The following SGMS2 variants were observed in gnomAD, a reference collection of about 807,000 sequenced individuals.
SGMS2 encodes phosphatidylcholine:ceramide cholinephosphotransferase 2.
SGMS2 carries 21 observed loss-of-function variants against 43.8 expected under a neutral mutation model. The ratio of observed to expected loss-of-function variants is 0.48; its 90% CI spans 0.34 to 0.69. The LOEUF is 0.69. Among genes scored for constraint, SGMS2 ranks in the 30% least tolerant of loss-of-function variants. The pLI is 0.01. For synonymous variants in SGMS2, 167 were observed against 160.6 expected (o/e 1.04, Z -0.30); for missense variants, 384 against 443.2 (o/e 0.87, Z 1.20).
At chr4:107,872,700 G>C (rs1466971134) in intron 2 of SGMS2, among the ~76,000 whole-genome samples, 2 of 151,840 alleles carry the variant, frequency 1.3e-5, no homozygotes, top group Admixed American at 6.6e-5. Flanking sequence ...AACAACCTTT[G>C]TCTTTTTAGG....
chr4:107,905,854 G>T (rs1294462207), intron 5 of SGMS2, among the ~76,000 whole-genome samples: 3 of 152,164 alleles, frequency 2.0e-5, no homozygotes, highest in African/African-American at 7.2e-5. Flanking sequence ...TTTAATGAAG[G>T]CCTCTCAGTA....
chr4:107,909,262 C>A lies in SGMS2; in HGVS notation c.894+531C>A, dbSNP rs767910490. Among the ~76,000 whole-genome samples the A allele has an allele frequency of 2.0e-5, 3 of 151,946 alleles. No individual in the cohort carries two copies. In the East Asian group the frequency reaches 5.8e-4, roughly 30 times the overall value. On this transcript the variant is annotated intron_variant, in intron 6 of 6. Transcript: ENST00000690982. The stretch of plus-strand genomic sequence containing the variant: ...CTGGGATTACAGGTGCACGACACCA[C>A]GCCTGGCTAATTTTTATTTTGTATT...
intron 1 of SGMS2, among the ~76,000 whole-genome samples, chr4:107,847,249 C>A (rs1283451520): frequency 6.6e-6 from 1 of 152,080 alleles, no homozygotes; most frequent in African/African-American, 2.4e-5. Context: ...GGTTTTAGGT[C>A]TAACATTTAA....
intron 1 of SGMS2, among the ~76,000 whole-genome samples, chr4:107,852,095 G>A (rs1727181698): frequency 1.3e-5 from 2 of 150,508 alleles, no homozygotes; most frequent in African/African-American, 4.9e-5. Flanking sequence ...TTGAGACAGA[G>A]TCTCACTTTT....
chr4:107,883,473 C>T (rs1729515716), intron 2 of SGMS2, among the ~76,000 whole-genome samples: 1 of 152,172 alleles, frequency 6.6e-6, no homozygotes, highest in African/African-American at 2.4e-5. Context: ...TGCCATCACG[C>T]CCAGCTAATT....
chr4:107,843,665 A>G (rs989066232), intron 1 of SGMS2, among the ~76,000 whole-genome samples: 13 of 152,182 alleles, frequency 8.5e-5, no homozygotes, highest in Non-Finnish European at 1.3e-4. Flanking sequence ...GAGTAAATTT[A>G]TTGTGCAACA....
chr4:107,851,792 T>A (rs1727160790), intron 1 of SGMS2, among the ~76,000 whole-genome samples: 1 of 152,224 alleles, frequency 6.6e-6, no homozygotes, highest in Non-Finnish European at 1.5e-5. Flanking sequence ...AAGACAGGAT[T>A]TTATTTGAGC....
intron 4 of SGMS2, among the ~76,000 whole-genome samples, chr4:107,899,965 C>T (rs775192531): frequency 5.0e-4 from 76 of 152,156 alleles, no homozygotes; most frequent in Non-Finnish European, 1.0e-3. Flanking sequence ...TTCATTAATG[C>T]TTTCATTCTA....
chr4:107,849,353 G>T (rs1452227859), intron 1 of SGMS2, among the ~76,000 whole-genome samples: 1 of 152,032 alleles, frequency 6.6e-6, no homozygotes, highest in African/African-American at 2.4e-5. Flanking sequence ...TGTGCCTATT[G>T]AATACTTGAA....
At chr4:107,857,455 C>T (rs764887368) in intron 1 of SGMS2, among the ~76,000 whole-genome samples, 4 of 151,190 alleles carry the variant, frequency 2.6e-5, no homozygotes, top group African/African-American at 4.9e-5. Flanking sequence ...AACTAAAAAT[C>T]GATTTCTGGT....
At chr4:107,910,305 T>A (rs1307880753) in intron 6 of SGMS2, 45 bp from the exon 7 acceptor site, 1 of 1,495,028 alleles carries the variant, frequency 6.7e-7, no homozygotes, top group East Asian at 2.3e-5. Flanking sequence ...GGGATGCAAA[T>A]TGAGAAAGAT....
chr4:107,855,875 C>A (rs1244315839), intron 1 of SGMS2, among the ~76,000 whole-genome samples: 1 of 151,968 alleles, frequency 6.6e-6, no homozygotes, highest in Non-Finnish European at 1.5e-5. Context: ...TTTTAAGGAC[C>A]TTGTTAAGTT....
chr4:107,876,200 TC>T (rs1291829850), intron 2 of SGMS2, among the ~76,000 whole-genome samples: 7 of 152,276 alleles, frequency 4.6e-5, no homozygotes, highest in Admixed American at 4.6e-4. Context: ...TAAATAAATA[TC>T]AATGTCTAAT....
At chr4:107,885,888 G>A (rs1729711622) in intron 2 of SGMS2, among the ~76,000 whole-genome samples, 1 of 152,048 alleles carries the variant, frequency 6.6e-6, no homozygotes, top group Non-Finnish European at 1.5e-5. Flanking sequence ...GACAAAAATG[G>A]CCTCAAATTT....
intron 2 of SGMS2, among the ~76,000 whole-genome samples, chr4:107,877,651 C>T (rs1049774850): frequency 1.3e-5 from 2 of 152,120 alleles, no homozygotes; most frequent in African/African-American, 4.8e-5. Context: ...ATTCTAGTGA[C>T]CACATATCTA....
chr4:107,897,967 G>A (rs1730814395), intron 3 of SGMS2, among the ~76,000 whole-genome samples: 1 of 152,096 alleles, frequency 6.6e-6, no homozygotes, highest in Non-Finnish European at 1.5e-5. Flanking sequence ...TCTGTTCTGA[G>A]TACAGCTGAA....
intron 1 of SGMS2, among the ~76,000 whole-genome samples, chr4:107,834,470 C>T (rs1158872737): frequency 1.3e-5 from 2 of 152,128 alleles, no homozygotes; most frequent in Non-Finnish European, 2.9e-5. Flanking sequence ...TTGTGTCATA[C>T]CTTTGCATTT....
chr4:107,863,559 T>C (rs1488974076), intron 2 of SGMS2: 2 of 152,232 alleles, frequency 1.3e-5, no homozygotes, highest in African/African-American at 4.8e-5. Flanking sequence ...AAGAAAGCTC[T>C]TCAAGGTCTT....
intron 1 of SGMS2, among the ~76,000 whole-genome samples, chr4:107,835,304 G>A (rs541961550): frequency 2.2e-4 from 34 of 152,144 alleles, no homozygotes; most frequent in African/African-American, 3.9e-4. Context: ...AAAAAAAATT[G>A]GAAACTCAAA....
Sources: gnomAD v4.1 joint callset for allele counts (sites outside exome capture counted in the v4.1 genomes callset) on GRCh38, gnomAD v4.1.1 for gene constraint, MANE v1.5 for transcripts, NCBI Gene and HGNC (gene_info 2026-07-23, HGNC 2026-07-21) for gene names.